PCOLCE: variants seen among roughly 807,000 people sequenced by gnomAD.
PCOLCE encodes the protein procollagen C-endopeptidase enhancer 1.
PCOLCE carries 33 observed loss-of-function variants against 47.2 expected under a neutral mutation model. The ratio of observed to expected loss-of-function variants is 0.70; its 90% CI spans 0.53 to 0.93. The LOEUF is 0.93. Among genes scored for constraint, PCOLCE ranks in the 40% least tolerant of loss-of-function variants. PCOLCE has a pLI of 0.00. For missense variants in PCOLCE, 584 were observed against 585.3 expected (o/e 1.00, Z 0.02); for synonymous variants, 254 against 252.5 (o/e 1.01, Z -0.06).
rs1398984308 is a variant in PCOLCE, at chr7:100,604,215, C to CA, written c.461_462insA (p.Glu155Ter). On this transcript the variant is annotated frameshift_variant and splice_region_variant, in exon 3 of 9. Transcript: ENST00000223061. LOFTEE classifies it high-confidence loss of function. This position sits in a 1 kb window ranked among gnomAD's most constrained non-coding sequence, Gnocchi z 6.4. ...TACAGCGGGCGGGCCACCTCGGGCA[C>CA]TGGTGAGAACTCCCTCACCTCCGCC... is the stretch of plus-strand genomic sequence containing the variant. The CA allele has an allele frequency of 1.2e-6, 2 of 1,609,164 alleles. No homozygotes were observed. The highest frequency in any genetic ancestry group is 2.7e-5 in the African/African-American group (2 of 74,830).
Position 100,605,498 on chromosome 7 carries a change from C to G in PCOLCE, c.589-178C>G, listed in dbSNP as rs952362588. ...CTTGCCAACCACGACGACCGACACC[C>G]CTGCAGGGTCCCATGGGTGTGTGTG... On this transcript the variant is annotated intron_variant, in intron 4 of 8. Transcript: ENST00000223061. This position sits in a 1 kb window ranked among gnomAD's most constrained non-coding sequence, Gnocchi z 6.1. 2.2e-5 allele frequency: 17 copies of G among 778,212 alleles called. No individual in the cohort carries two copies. The African/African-American group carries it at 2.8e-4, about 13-fold the overall frequency. 48.2% of individuals were successfully genotyped at this position (778,212 alleles called of 1,614,324 possible). A position where few individuals can be genotyped will look rare whatever the true frequency, so the allele number is the denominator to read the frequency against.
In PCOLCE at chr7:100,604,046, T is replaced by C. The variant is rs576889928; in HGVS notation, c.292T>C (p.Phe98Leu). 3.7e-6 allele frequency: 6 copies of C among 1,607,888 alleles called. No homozygotes were observed. The African/African-American group carries it at 6.7e-5, about 18-fold the overall frequency. The change falls in exon 3 of 9, where the codon TTC (phenylalanine) becomes CTC (leucine). Residue 98 changes from phenylalanine to leucine, a missense_variant. Transcript: ENST00000223061. This position sits in a 1 kb window ranked among gnomAD's most constrained non-coding sequence, Gnocchi z 6.4. ...PACRYDALEVFAGSGTSGQRL... is the reference protein window; with the variant it reads ...PACRYDALEVLAGSGTSGQRL... The stretch of plus-strand genomic sequence containing the variant: ...CTGCCGCTACGATGCTCTGGAGGTC[T>C]TCGCTGGGTCTGGGACTTCCGGCCA...
Position 100,605,851 on chromosome 7 carries a change from G to T in PCOLCE, c.725+39G>T. The T allele has an allele frequency of 6.5e-7, 1 of 1,541,132 alleles. No homozygotes were observed. Among genetic ancestry groups the T allele is most frequent in the Non-Finnish European group, 8.8e-7 (1 of 1,140,048 alleles). ...CCTGGGCGAGTCCGGGAGAGAGTCG[G>T]CGGACCGCACGCACGCGGCTGTTTG... On this transcript the variant is annotated intron_variant, in intron 5 of 8. Coordinates refer to ENST00000223061, the MANE Select transcript of PCOLCE (RefSeq NM_002593.4). The surrounding 1 kb of genome is among the most constrained non-coding windows in gnomAD (Gnocchi z 6.1).
chr7:100,603,731 C>T, intron 2 of PCOLCE, 193 bp downstream of exon 2: 1 of 603,102 alleles, frequency 1.7e-6, no homozygotes, highest in Non-Finnish European at 2.9e-6. Flanking sequence ...CTCAAATCTT[C>T]ATTCTCCAGT....
chr7:100,604,247 C>A lies in PCOLCE; in HGVS notation c.463+30C>A. Reference sequence around the variant, plus strand: ...GAACTCCCTCACCTCCGCCTTCCCCCCCTCCAGGCCCCGCCCCGGCCGCAG... The same window carrying A: ...GAACTCCCTCACCTCCGCCTTCCCCACCTCCAGGCCCCGCCCCGGCCGCAG... On this transcript the variant is annotated intron_variant, in intron 3 of 8. Transcript: ENST00000223061. The surrounding 1 kb of genome is among the most constrained non-coding windows in gnomAD (Gnocchi z 6.4). 1.3e-6 allele frequency: 2 copies of A among 1,581,850 alleles called. No individual in the cohort carries two copies. The highest frequency in any genetic ancestry group is 1.7e-5 in the Admixed American group (1 of 59,006).
chr7:100,606,518 C>A lies in PCOLCE; in HGVS notation c.828C>A (p.Gly276=), dbSNP rs1439580267. 6.2e-7 allele frequency: 1 copy of A among 1,614,058 alleles called. No individual in the cohort carries two copies. The highest frequency in any genetic ancestry group is 8.5e-7 in the Non-Finnish European group (1 of 1,180,008). ...CCTCCTACAAGACCCTGCCGCGGGG[C>A]ACTGCCAAAGAAGGGCAAGGGCCCG... ...FSASYKTLPR[G]TAKEGQGPGP... The change falls in exon 6 of 9, where the codon GGC becomes GGA. Residue 276 remains glycine, a synonymous_variant. Transcript: ENST00000223061.
chr7:100,606,432 G>A lies in PCOLCE; in HGVS notation c.742G>A (p.Gly248Arg), dbSNP rs1424200440. 4 of 1,613,732 alleles carry A rather than the reference G, an allele frequency of 2.5e-6. No individual in the cohort carries two copies. Among genetic ancestry groups the A allele is most frequent in the Non-Finnish European group, 3.4e-6 (4 of 1,179,786 alleles). The change falls in exon 6 of 9, where the codon GGG becomes AGG. Residue 248 changes from glycine (G) to arginine (R), a missense_variant. Transcript: ENST00000223061. ...DAVPGSISSE[G>R]NELLVQFVSD... ...CACCTGCAGCTCCATCTCCTCCGAA[G>A]GGAATGAACTCCTCGTCCAGTTCGT...
Position 100,605,637 on chromosome 7 carries a change from G to A in PCOLCE, c.589-39G>A. 5 of 1,556,408 alleles carry A rather than the reference G, an allele frequency of 3.2e-6. No homozygotes were observed. Among genetic ancestry groups the A allele is most frequent in the Non-Finnish European group, 4.3e-6 (5 of 1,150,604 alleles). ...GGAGATGAGGTGCAGGCGCCCAGGG[G>A]TGTCCCGCCGCGCAGTCCCCGCCTC... On this transcript the variant is annotated intron_variant, in intron 4 of 8. Transcript: ENST00000223061. The surrounding 1 kb of genome is among the most constrained non-coding windows in gnomAD (Gnocchi z 6.1).
Position 100,605,558 on chromosome 7 carries a change from G to A in PCOLCE, c.589-118G>A. ...GCTGTGGTGTGAACGCCTTCAGGAG[G>A]GGGGCCCAGAGGACGCGGGAGGTGG... On this transcript the variant is annotated intron_variant, in intron 4 of 8. Transcript: ENST00000223061. The surrounding 1 kb of genome is among the most constrained non-coding windows in gnomAD (Gnocchi z 6.1). 1 of 1,274,964 alleles carries A rather than the reference G, an allele frequency of 7.8e-7. No homozygotes were observed. Among genetic ancestry groups the A allele is most frequent in the Non-Finnish European group, 1.1e-6 (1 of 921,982 alleles). The allele number at this position is 1,274,964 out of a possible 1,614,324, so 79.0% of individuals were successfully genotyped here. A position where few individuals can be genotyped will look rare whatever the true frequency, so the allele number is the denominator to read the frequency against.
intron 1 of PCOLCE, chr7:100,602,758 A>C: frequency 3.5e-6 from 2 of 573,736 alleles, no homozygotes; most frequent in East Asian, 3.0e-5. Context: ...CCATTCCCCC[A>C]CCTTCGTCCT....
At position 100,604,428 on chromosome 7, in the gene PCOLCE, G is replaced by A. The variant is rs1456290641; in HGVS notation, c.463+211G>A. 1 of 631,554 alleles carries A rather than the reference G, an allele frequency of 1.6e-6. No homozygotes were observed. The highest frequency in any genetic ancestry group is 2.8e-5 in the East Asian group (1 of 36,052). 39.1% of individuals were successfully genotyped at this position (631,554 alleles called of 1,614,324 possible). On this transcript the variant is annotated intron_variant, in intron 3 of 8. Transcript: ENST00000223061. The surrounding 1 kb of genome is among the most constrained non-coding windows in gnomAD (Gnocchi z 6.4). ...CCGCACCCACCCATCCCTCTTCCAG[G>A]GCCCCCCCCAGGCGCGAGGCGGAAA... is the stretch of plus-strand genomic sequence containing the variant.
chr7:100,607,090 CA>C lies in PCOLCE; in HGVS notation c.941-346del, dbSNP rs559618495. ...TGGGTTACAGAGTGAGATTCTGTCT[CA>C]AAAAAAAAAAAAAAACTTAGCCAGG... On this transcript the variant is annotated intron_variant, in intron 6 of 8. Transcript: ENST00000223061. Among the ~76,000 whole-genome samples the C allele has an allele frequency of 2.0e-3, 214 of 105,222 alleles. 1 individual carries two copies. Among genetic ancestry groups the C allele is most frequent in the African/African-American group, 4.2e-3 (109 of 26,256 alleles). The allele number at this position is 105,222 out of a possible 152,430, so 69.0% of individuals were successfully genotyped here.
rs754360590 is a variant in PCOLCE at position 100,602,440 on chromosome 7, G to C, written c.-17G>C. ...CTGCCTCTGTCTTGAGGACCCCAGC[G>C]CCTTTCCCCCGGGGCCATGCTGCCT... is the stretch of plus-strand genomic sequence containing the variant. On this transcript the variant is annotated 5_prime_UTR_variant, in exon 1 of 9. Transcript: ENST00000223061. 1.3e-6 allele frequency: 2 copies of C among 1,562,444 alleles called. No individual in the cohort carries two copies. Among genetic ancestry groups the C allele is most frequent in the Admixed American group, 1.7e-5 (1 of 59,894 alleles).
intron 2 of PCOLCE, 98 bp downstream of exon 2, chr7:100,603,636 T>G (rs1008803967): frequency 1.4e-5 from 6 of 430,194 alleles, no homozygotes; most frequent in Non-Finnish European, 2.1e-5. Flanking sequence ...CGCACCACCT[T>G]CTCAACCTGG....
rs758098269 is a variant in PCOLCE, at chr7:100,603,475, C to T, written c.141C>T (p.Tyr47=). The T allele has an allele frequency of 7.5e-6, 12 of 1,603,006 alleles. No homozygotes were observed. In the Admixed American group the frequency reaches 8.5e-5, roughly 11 times the overall value. The change falls in exon 2 of 9, where the codon TAC becomes TAT. Residue 47 remains tyrosine, a synonymous_variant. Coordinates refer to ENST00000223061, the MANE Select transcript of PCOLCE (RefSeq NM_002593.4). ...CGGDVKGESG[Y]VASEGFPNLY... ...GGGATGTGAAGGGGGAATCAGGTTA[C>T]GTGGCAAGTGAGGGGTTCCCCAACC...
Position 100,604,891 on chromosome 7 carries a change from G to C in PCOLCE, c.464-200G>C, listed in dbSNP as rs931523986. ...TCCACCGCCCGCCAGTGCGCCCTGC[G>C]GCCCCAGACTTCCCCGAGCCGCGCT... On this transcript the variant is annotated intron_variant, in intron 3 of 8. Transcript: ENST00000223061. The surrounding 1 kb of genome is among the most constrained non-coding windows in gnomAD (Gnocchi z 6.4). 5 of 517,872 alleles carry C rather than the reference G, an allele frequency of 9.7e-6. No individual in the cohort carries two copies. The African/African-American group carries it at 9.8e-5, about 10-fold the overall frequency. The allele number at this position is 517,872 out of a possible 1,614,324, so 32.1% of individuals were successfully genotyped here.
Position 100,602,454 on chromosome 7 carries a change from G to T in PCOLCE, c.-3G>T, listed in dbSNP as rs754507920. 6.2e-7 allele frequency: 1 copy of T among 1,606,828 alleles called. No individual in the cohort carries two copies. The highest frequency in any genetic ancestry group is 8.5e-7 in the Non-Finnish European group (1 of 1,175,362). On this transcript the variant is annotated 5_prime_UTR_variant, in exon 1 of 9. Transcript: ENST00000223061. The stretch of plus-strand genomic sequence containing the variant: ...AGGACCCCAGCGCCTTTCCCCCGGG[G>T]CCATGCTGCCTGCAGCCACAGCCTC...
chr7:100,606,465 C>T lies in PCOLCE; in HGVS notation c.775C>T (p.Leu259Phe). 1.2e-6 allele frequency: 2 copies of T among 1,614,134 alleles called. No homozygotes were observed. The highest frequency in any genetic ancestry group is 1.1e-5 in the South Asian group (1 of 91,082). Residue 259 changes from leucine to phenylalanine, a missense_variant, in exon 6 of 9, where the codon CTC (leucine) becomes TTC (phenylalanine). By Grantham distance (22) the Leu-to-Phe change is conservative. Coordinates refer to ENST00000223061, the MANE Select transcript of PCOLCE (RefSeq NM_002593.4). ...ACTCCTCGTCCAGTTCGTCTCAGAT[C>T]TCAGTGTCACCGCTGATGGCTTCTC... ...NELLVQFVSD[L>F]SVTADGFSAS...
chr7:100,606,520 C>T lies in PCOLCE; in HGVS notation c.830C>T (p.Thr277Ile). 2 of 1,614,222 alleles carry T rather than the reference C, an allele frequency of 1.2e-6. No homozygotes were observed. Among genetic ancestry groups the T allele is most frequent in the Non-Finnish European group, 1.7e-6 (2 of 1,180,016 alleles). ...SASYKTLPRG[T>I]AKEGQGPGPK... ...TCCTACAAGACCCTGCCGCGGGGCA[C>T]TGCCAAAGAAGGGCAAGGGCCCGGC... The change falls in exon 6 of 9, where the codon ACT becomes ATT. Residue 277 changes from threonine (T) to isoleucine (I), a missense_variant. Physicochemically the swap from Thr to Ile is moderately conservative, Grantham distance 89. Transcript: ENST00000223061.
Sources: allele counts gnomAD v4.1 joint callset (sites outside exome capture counted in the v4.1 genomes callset), GRCh38; gene constraint gnomAD v4.1.1; non-coding constraint Gnocchi (gnomAD v3.1); transcripts MANE v1.5; gene names NCBI Gene and HGNC (gene_info 2026-07-23, HGNC 2026-07-21).